The following FLNB variants were observed in gnomAD, a reference collection of about 807,000 sequenced individuals.
FLNB encodes the protein filamin B.
In FLNB, 111 loss-of-function variants were observed where a neutral mutation model predicts 250.6. The ratio of observed to expected loss-of-function variants is 0.44; its 90% CI spans 0.38 to 0.52. The LOEUF (loss-of-function observed/expected upper bound fraction) is 0.52. Among genes scored for constraint, FLNB ranks in the 20% least tolerant of loss-of-function variants. The pLI is 0.00. For synonymous variants in FLNB, 1,302 were observed against 1,372.1 expected (o/e 0.95, Z 1.13); for missense variants, 2,869 against 3,447.8 (o/e 0.83, Z 4.20).
intron 38 of FLNB, 21 bp downstream of exon 38, chr3:58,150,248 G>C (rs749822547): frequency 2.6e-5 from 42 of 1,613,952 alleles, no homozygotes; most frequent in Admixed American, 6.7e-5. Flanking sequence ...GGGACTAGTA[G>C]GGTGGGGAAG....
chr3:58,158,350 A>G (rs1194827699), intron 41 of FLNB, among the ~76,000 whole-genome samples: 1 of 152,232 alleles, frequency 6.6e-6, no homozygotes, highest in African/African-American at 2.4e-5. Flanking sequence ...AAGTGCATTA[A>G]GTTGAAATAT....
chr3:58,055,544 G>A (rs527441505), intron 1 of FLNB, among the ~76,000 whole-genome samples: 84 of 152,236 alleles, frequency 5.5e-4, no homozygotes, highest in Non-Finnish European at 1.0e-3. Context: ...AACTACAAAT[G>A]GGAACAGTTT....
Position 58,103,980 on chromosome 3 carries a change from A to G in FLNB, c.1505A>G (p.Lys502Arg), listed in dbSNP as rs1258934756. The G allele has an allele frequency of 5.0e-6, 8 of 1,613,980 alleles. No homozygotes were observed. The Admixed American group carries it at 1.2e-4, about 24-fold the overall frequency. The change falls in exon 10 of 46, where the codon AAG becomes AGG. Residue 502 changes from lysine (K) to arginine (R), a missense_variant. By Grantham distance (26) the Lys-to-Arg change is conservative. This residue lies in a region of FLNB where 1,348 missense variants were observed against 1,466.7 expected (regional missense o/e 0.92). Transcript: ENST00000295956. ...KGPKGLEELV[K>R]QKDFLDGVYA... is the part of the protein sequence containing the mutation. ...ACAGAGGGTCTGGAGGAGCTGGTGAAGCAGAAAGACTTTCTGGATGGGGTC... is the reference window on the plus strand; with the variant it reads ...ACAGAGGGTCTGGAGGAGCTGGTGAGGCAGAAAGACTTTCTGGATGGGGTC...
intron 1 of FLNB, among the ~76,000 whole-genome samples, chr3:58,056,881 G>T (rs761892560): frequency 6.6e-6 from 1 of 152,150 alleles, no homozygotes; most frequent in Admixed American, 6.5e-5. Context: ...GAGCCACCAC[G>T]CCCTGTGACT....
At chr3:58,031,372 A>G (rs1229281795) in intron 1 of FLNB, among the ~76,000 whole-genome samples, 1 of 151,728 alleles carries the variant, frequency 6.6e-6, no homozygotes, top group Non-Finnish European at 1.5e-5. Flanking sequence ...CCTCCCGAGT[A>G]GCTGGGACTA....
chr3:58,148,637 G>A lies in FLNB; in HGVS notation c.5888-12G>A, dbSNP rs2097339898. On this transcript the variant is annotated splice_polypyrimidine_tract_variant and intron_variant, in intron 35 of 45. Transcript: ENST00000295956. ...CATCCCCTTACAAGCCCCAATCTGT[G>A]TTCTGGTCCAGGCATCTCCTTCATC... The A allele has an allele frequency of 1.2e-6, 2 of 1,612,430 alleles. No individual in the cohort carries two copies. Among genetic ancestry groups the A allele is most frequent in the Non-Finnish European group, 1.7e-6 (2 of 1,178,486 alleles).
Position 58,077,115 on chromosome 3 carries a change from A to G in FLNB, c.362A>G (p.Tyr121Cys). 1 of 1,613,884 alleles carries G rather than the reference A, an allele frequency of 6.2e-7. No individual in the cohort carries two copies. Among genetic ancestry groups the G allele is most frequent in the Non-Finnish European group, 8.5e-7 (1 of 1,179,958 alleles). The change falls in exon 2 of 46, where the codon TAC becomes TGC. Residue 121 changes from tyrosine to cysteine, a missense_variant. Tyr to Cys is a radical substitution (Grantham distance 194, BLOSUM62 -2). Transcript: ENST00000295956. Reference sequence around the variant, plus strand: ...CTGGTGTGGACGCTGATCCTCCACTACTCCATCTCCATGCCCGTGTGGGAG... The same window carrying G: ...CTGGTGTGGACGCTGATCCTCCACTGCTCCATCTCCATGCCCGTGTGGGAG... Reference protein sequence around the residue: ...LGLVWTLILHYSISMPVWEDE... With the variant: ...LGLVWTLILHCSISMPVWEDE...
intron 45 of FLNB, among the ~76,000 whole-genome samples, chr3:58,170,078 A>G (rs757722677): frequency 6.6e-5 from 10 of 152,180 alleles, no homozygotes; most frequent in Admixed American, 1.3e-4. Flanking sequence ...CCGCCACTTC[A>G]TTCATTCATT....
intron 14 of FLNB, 122 bp from the exon 15 acceptor site, chr3:58,109,454 G>A: frequency 3.1e-6 from 5 of 1,590,426 alleles, no homozygotes; most frequent in Non-Finnish European, 3.4e-6. Flanking sequence ...AATGATGGAG[G>A]GGCCCGAAGG....
chr3:58,087,456 ATTC>A (rs2097219031), intron 4 of FLNB, among the ~76,000 whole-genome samples: 2 of 151,728 alleles, frequency 1.3e-5, no homozygotes, highest in South Asian at 4.2e-4. Flanking sequence ...TGTGTTTGTA[ATTC>A]TTTTTTTTTT....
At chr3:58,157,712 T>C (rs963113043) in intron 41 of FLNB, among the ~76,000 whole-genome samples, 2 of 152,228 alleles carry the variant, frequency 1.3e-5, no homozygotes, top group African/African-American at 4.8e-5. Context: ...CTTTCAAATC[T>C]GCCGAGGCAT....
chr3:58,056,019 T>TA (rs1259284648), intron 1 of FLNB, among the ~76,000 whole-genome samples: 2 of 152,116 alleles, frequency 1.3e-5, no homozygotes, highest in African/African-American at 4.8e-5. Context: ...GTGCTGCTAA[T>TA]ACACCTGTGT....
In FLNB at chr3:58,148,824, T is replaced by C. The variant is rs763525449; in HGVS notation, c.6063T>C (p.Ser2021=). ...CAGAAGGCCGGACTTTCGAGATGTC[T>C]GACTTCATCGTGGACACAAGGGATG... ...GLSEGRTFEM[S]DFIVDTRDAG... is the part of the protein sequence containing the mutation. The change falls in exon 36 of 46, where the codon TCT becomes TCC. Residue 2021 remains serine, a synonymous_variant. Transcript: ENST00000295956. 1.1e-5 allele frequency: 18 copies of C among 1,613,538 alleles called. No homozygotes were observed. The highest frequency in any genetic ancestry group is 1.5e-5 in the Non-Finnish European group (18 of 1,180,050).
At chr3:58,138,941 G>C (rs961301167) in intron 29 of FLNB, among the ~76,000 whole-genome samples, 36 of 152,186 alleles carry the variant, frequency 2.4e-4, no homozygotes, top group Admixed American at 4.6e-4. Flanking sequence ...TCCTGATGCT[G>C]TTTTGTTTGG....
intron 33 of FLNB, chr3:58,146,589 C>T (rs1270766919): frequency 5.5e-6 from 3 of 544,476 alleles, no homozygotes; most frequent in Admixed American, 6.0e-5. Flanking sequence ...GAGAGAGCTC[C>T]AGGGTTACTT....
intron 1 of FLNB, among the ~76,000 whole-genome samples, chr3:58,055,013 T>C (rs1012195914): frequency 2.6e-5 from 4 of 152,194 alleles, no homozygotes; most frequent in African/African-American, 9.7e-5. Flanking sequence ...ATGCCTGTAA[T>C]TCCAGCACTT....
intron 38 of FLNB, chr3:58,152,888 G>C (rs564791290): frequency 1.5e-5 from 6 of 397,796 alleles, no homozygotes; most frequent in Admixed American, 3.6e-5. Context: ...GTGGTCTTGC[G>C]TCCTAGCACT....
At chr3:58,048,103 G>GT (rs201722557) in intron 1 of FLNB, among the ~76,000 whole-genome samples, 1 of 152,024 alleles carries the variant, frequency 6.6e-6, no homozygotes, top group Non-Finnish European at 1.5e-5. Context: ...CTTTATGACA[G>GT]TTTAAAAAAA....
In FLNB at chr3:58,171,024, C is replaced by A. The variant is rs886058767; in HGVS notation, c.*262C>A. The A allele has an allele frequency of 8.3e-5, 39 of 471,444 alleles. No homozygotes were observed. Among genetic ancestry groups the A allele is most frequent in the South Asian group, 7.2e-4 (32 of 44,266 alleles). 29.2% of individuals were successfully genotyped at this position (471,444 alleles called of 1,614,324 possible). A position where few individuals can be genotyped will look rare whatever the true frequency, so the allele number is the denominator to read the frequency against. On this transcript the variant is annotated 3_prime_UTR_variant, in exon 46 of 46. Transcript: ENST00000295956. The surrounding 1 kb of genome is among the most constrained non-coding windows in gnomAD (Gnocchi z 5.5). ...GTGCAAACCAGAACTCTTGGTGGAA[C>A]AGACCAGCCACTGCAGCAGACAGAC...
Sources: gnomAD v4.1 joint callset for allele counts (sites outside exome capture counted in the v4.1 genomes callset) on GRCh38, gnomAD v4.1.1 for gene constraint, gnomAD v4.1.1 regional missense constraint, Gnocchi (gnomAD v3.1) non-coding constraint, MANE v1.5 for transcripts, NCBI Gene and HGNC (gene_info 2026-07-23, HGNC 2026-07-21) for gene names.